DLG2: variants seen among roughly 807,000 people sequenced by gnomAD.
DLG2 encodes discs large MAGUK scaffold protein 2.
DLG2 carries 45 observed loss-of-function variants against 132.5 expected under a neutral mutation model. The ratio of observed to expected loss-of-function variants is 0.34; its 90% confidence interval spans 0.27 to 0.44. DLG2 has a LOEUF of 0.44. DLG2 is among the 20% of genes least tolerant of loss of function. The pLI, the probability that DLG2 is intolerant of heterozygous loss-of-function variation, is 1.00. For missense variants in DLG2, 1,045 were observed against 1,196.9 expected, an observed-to-expected ratio of 0.87 and a Z score of 1.87; for synonymous variants, 424 against 419.6, an observed-to-expected ratio of 1.01 and a Z score of -0.13.
chr11:83,701,659 A>G (rs1485877873), intron 18 of DLG2, among the ~76,000 whole-genome samples: 2 of 152,266 alleles, frequency 1.3e-5, no homozygotes, highest in African/African-American at 4.8e-5. Flanking sequence ...TTGATGTGGA[A>G]GGAGTATCAT....
At chr11:85,447,255 G>GA (rs1485978533) in intron 3 of DLG2, among the ~76,000 whole-genome samples, 8 of 152,066 alleles carry the variant, frequency 5.3e-5, no homozygotes, top group African/African-American at 1.4e-4. Flanking sequence ...ATACTATGAT[G>GA]AAAAACACAT....
chr11:84,574,802 T>C (rs1407851799), intron 6 of DLG2, among the ~76,000 whole-genome samples: 1 of 152,146 alleles, frequency 6.6e-6, no homozygotes, highest in African/African-American at 2.4e-5. Context: ...CTTTGTTGCC[T>C]ATCTCAGTGA....
intron 18 of DLG2, among the ~76,000 whole-genome samples, chr11:83,718,043 G>T (rs1415299336): frequency 1.3e-5 from 2 of 152,296 alleles, no homozygotes; most frequent in East Asian, 3.9e-4. Context: ...CCCTCTGGGG[G>T]TCCATTATGC....
At chr11:85,110,239 G>A (rs192552570) in intron 6 of DLG2, among the ~76,000 whole-genome samples, 6 of 151,650 alleles carry the variant, frequency 4.0e-5, no homozygotes, top group Middle Eastern at 3.4e-3. Context: ...GCAAAACCTC[G>A]TTATTTACCA....
At chr11:84,927,846 G>A (rs2047582915) in intron 6 of DLG2, among the ~76,000 whole-genome samples, 1 of 151,930 alleles carries the variant, frequency 6.6e-6, no homozygotes, top group Non-Finnish European at 1.5e-5. Context: ...TGGGCTAGGT[G>A]CATCAGTGTA....
At chr11:84,729,324 C>T (rs2062870858) in intron 6 of DLG2, among the ~76,000 whole-genome samples, 1 of 151,716 alleles carries the variant, frequency 6.6e-6, no homozygotes, top group Admixed American at 6.6e-5. Flanking sequence ...TTTATTTCTG[C>T]CTTCGTTATT....
chr11:85,078,576 G>T lies in DLG2; in HGVS notation c.357+33085C>A, dbSNP rs1421195382. Among the ~76,000 whole-genome samples, 4 of 152,078 alleles carry T rather than the reference G, an allele frequency of 2.6e-5. No individual in the cohort carries two copies. The East Asian group carries it at 7.8e-4, about 30-fold the overall frequency. On this transcript the variant is annotated intron_variant, in intron 6 of 27. Coordinates refer to ENST00000376104, the MANE Select transcript of DLG2 (RefSeq NM_001142699.3). Reference sequence around the variant, plus strand: ...TTTAGTGAGATGGAAACTCAGGTGAGGATTCACAGAGGACTGAAATAACCT... The same window carrying T: ...TTTAGTGAGATGGAAACTCAGGTGATGATTCACAGAGGACTGAAATAACCT...
chr11:83,970,127 A>G (rs910785896), intron 12 of DLG2, among the ~76,000 whole-genome samples: 1 of 152,222 alleles, frequency 6.6e-6, no homozygotes, highest in African/African-American at 2.4e-5. Flanking sequence ...GTGACAGCAA[A>G]GCTCTGTTTC....
chr11:84,961,673 G>A (rs186088387), intron 6 of DLG2, among the ~76,000 whole-genome samples: 1 of 152,070 alleles, frequency 6.6e-6, no homozygotes, highest in East Asian at 1.9e-4. Context: ...CAAAAATACT[G>A]TGAAATGATA....
intron 8 of DLG2, among the ~76,000 whole-genome samples, chr11:84,172,588 G>C (rs936029491): frequency 1.5e-4 from 23 of 151,310 alleles, no homozygotes; most frequent in African/African-American, 5.4e-4. Context: ...TGTTGCCCAG[G>C]CTGGAGTGCA....
At chr11:83,484,250 G>C in intron 21 of DLG2, 22 bp from the exon 22 acceptor site, 1 of 1,562,228 alleles carries the variant, frequency 6.4e-7, no homozygotes, top group Non-Finnish European at 8.8e-7. Context: ...AAAAGGCATG[G>C]GGCAAAAACA....
At chr11:84,746,119 C>G (rs1430406505) in intron 6 of DLG2, among the ~76,000 whole-genome samples, 1 of 151,620 alleles carries the variant, frequency 6.6e-6, no homozygotes, top group African/African-American at 2.4e-5. Flanking sequence ...AAAAAGCAGA[C>G]AATTATAACA....
intron 6 of DLG2, among the ~76,000 whole-genome samples, chr11:84,825,575 T>C (rs2078234304): frequency 6.6e-6 from 1 of 151,944 alleles, no homozygotes; most frequent in Admixed American, 6.6e-5. Context: ...CTATTTCTCT[T>C]CTGCCTGTCA....
chr11:84,103,893 T>C (rs2092715532), intron 9 of DLG2, among the ~76,000 whole-genome samples: 1 of 151,270 alleles, frequency 6.6e-6, no homozygotes, highest in African/African-American at 2.5e-5. Context: ...GTACCGACAA[T>C]GATTTTTTTT....
intron 11 of DLG2, among the ~76,000 whole-genome samples, chr11:84,043,164 A>C (rs933646159): frequency 5.3e-5 from 8 of 151,602 alleles, no homozygotes; most frequent in Admixed American, 4.6e-4. Context: ...TAAATTGAGC[A>C]ATTTATTAAT....
chr11:85,472,362 C>T (rs557813221), intron 3 of DLG2, among the ~76,000 whole-genome samples: 6 of 152,214 alleles, frequency 3.9e-5, no homozygotes, highest in South Asian at 2.1e-4. Flanking sequence ...AGTGCAGAGG[C>T]GTGATCTCAG....
At chr11:83,774,034 G>T (rs971758867) in intron 18 of DLG2, among the ~76,000 whole-genome samples, 6 of 152,276 alleles carry the variant, frequency 3.9e-5, no homozygotes, top group Non-Finnish European at 7.4e-5. Flanking sequence ...AATAAAGATT[G>T]CTCTGGCTGG....
chr11:85,342,262 T>C (rs1216091692), intron 3 of DLG2, among the ~76,000 whole-genome samples: 2 of 152,212 alleles, frequency 1.3e-5, no homozygotes, highest in Admixed American at 6.5e-5. Flanking sequence ...TGGAACACCA[T>C]GTTTTCTTTC....
chr11:83,629,239 G>A (rs971334595), intron 19 of DLG2, among the ~76,000 whole-genome samples: 14 of 152,088 alleles, frequency 9.2e-5, no homozygotes, highest in South Asian at 2.1e-4. Flanking sequence ...TTACTGCTGC[G>A]TCCTCAGTGT....
Sources: gnomAD v4.1 joint callset for allele counts (sites outside exome capture counted in the v4.1 genomes callset) on GRCh38, gnomAD v4.1.1 for gene constraint, MANE v1.5 for transcripts, NCBI Gene and HGNC (gene_info 2026-07-23, HGNC 2026-07-21) for gene names.